The following PRKCH variants were observed in gnomAD, a reference collection of about 807,000 sequenced individuals.
PRKCH encodes the protein protein kinase C eta.
PRKCH carries 28 observed loss-of-function variants against 82.5 expected under a neutral mutation model. The observed-to-expected ratio is 0.34, with a 90% CI of 0.25 to 0.47. PRKCH has a LOEUF of 0.47. Ranked by LOEUF, PRKCH falls within the 20% of genes least tolerant of loss-of-function variation. PRKCH has a pLI of 1.00. For missense variants in PRKCH, 705 were observed against 881.8 expected (o/e 0.80, Z 2.54); for synonymous variants, 322 against 327.4 (o/e 0.98, Z 0.18).
intron 1 of PRKCH, among the ~76,000 whole-genome samples, chr14:61,327,979 G>C (rs111650869): frequency 1.3e-5 from 2 of 151,394 alleles, no homozygotes; most frequent in Non-Finnish European, 2.9e-5. Context: ...GGCCGGGCGC[G>C]GTGGCTCACG....
At chr14:61,404,134 C>T (rs969023033) in intron 2 of PRKCH, among the ~76,000 whole-genome samples, 2 of 152,162 alleles carry the variant, frequency 1.3e-5, no homozygotes, top group African/African-American at 4.8e-5. Flanking sequence ...CTGCTTCTTC[C>T]CTTCTACCGT....
At chr14:61,271,289 C>A (rs1594884030) in intron 1 of PRKCH, among the ~76,000 whole-genome samples, 1 of 152,244 alleles carries the variant, frequency 6.6e-6, no homozygotes, top group East Asian at 1.9e-4. Flanking sequence ...TCTCTCTATT[C>A]TGTTCCATTG....
chr14:61,320,501 G>A (rs1412243942), upstream of PRKCH, among the ~76,000 whole-genome samples: 3 of 152,156 alleles, frequency 2.0e-5, no homozygotes, highest in African/African-American at 4.8e-5. Flanking sequence ...CGGGAGGCTG[G>A]GGCAGGTGAA....
chr14:61,504,156 A>G (rs1258606406), intron 10 of PRKCH, among the ~76,000 whole-genome samples: 1 of 151,402 alleles, frequency 6.6e-6, no homozygotes, highest in Non-Finnish European at 1.5e-5. Context: ...ATCCCCCTTC[A>G]TGACCCATTT....
At chr14:61,471,159 T>G (rs116622433) in intron 9 of PRKCH, among the ~76,000 whole-genome samples, 125 of 152,344 alleles carry the variant, frequency 8.2e-4, no homozygotes, top group African/African-American at 2.9e-3. Flanking sequence ...TAGCAGCAGA[T>G]CTGGTGAGGG....
At chr14:61,421,236 C>G (rs781182071) in intron 2 of PRKCH, among the ~76,000 whole-genome samples, 3 of 151,622 alleles carry the variant, frequency 2.0e-5, no homozygotes, top group Non-Finnish European at 4.4e-5. Context: ...CTTTTGTCAC[C>G]TTTTGTCATC....
At chr14:61,311,555 G>T (rs537244296) in intron 1 of PRKCH, among the ~76,000 whole-genome samples, 1 of 152,134 alleles carries the variant, frequency 6.6e-6, no homozygotes, top group Non-Finnish European at 1.5e-5. Flanking sequence ...CAACGTCTGC[G>T]TGTTACCCAG....
At chr14:61,493,590 A>T (rs894635201) in intron 10 of PRKCH, among the ~76,000 whole-genome samples, 1 of 152,222 alleles carries the variant, frequency 6.6e-6, no homozygotes, top group African/African-American at 2.4e-5. Context: ...TCATTATTTG[A>T]TAGAAAACTT....
intron 12 of PRKCH, among the ~76,000 whole-genome samples, chr14:61,538,352 C>G (rs1200874751): frequency 6.6e-6 from 1 of 152,148 alleles, no homozygotes. Context: ...GAAAAGGAAC[C>G]GTTTGCTCAC....
At position 61,368,656 on chromosome 14, in the gene PRKCH, G is replaced by A. The variant is rs184678611; in HGVS notation, c.364-22569G>A. On this transcript the variant is annotated intron_variant, in intron 1 of 13. Transcript: ENST00000332981. ...GATCACCTCCTCTCTTACAGACTGC[G>A]GAGCTAAAGTGGGCTGCTGGTTGGA... 4.3e-4 allele frequency among the ~76,000 whole-genome samples: 66 copies of A among 152,224 alleles called. No homozygotes were observed. In the Middle Eastern group the frequency reaches 0.014, roughly 31 times the overall value.
chr14:61,260,539 A>T (rs1594879080), intron 1 of PRKCH, among the ~76,000 whole-genome samples: 1 of 152,202 alleles, frequency 6.6e-6, no homozygotes, highest in South Asian at 2.1e-4. Flanking sequence ...ACATATGCAC[A>T]CCTGTGAATT....
chr14:61,262,628 T>C (rs1425939329), intron 1 of PRKCH, among the ~76,000 whole-genome samples: 6 of 152,176 alleles, frequency 3.9e-5, no homozygotes, highest in Admixed American at 3.9e-4. Flanking sequence ...CGTTTGTGAA[T>C]ACAGCGGACA....
At chr14:61,402,607 C>T (rs1034474749) in intron 2 of PRKCH, among the ~76,000 whole-genome samples, 7 of 151,872 alleles carry the variant, frequency 4.6e-5, no homozygotes, top group South Asian at 2.1e-4. Context: ...CCATCCTGGC[C>T]AACATGGTGA....
At chr14:61,487,342 G>A (rs72712342) in intron 10 of PRKCH, among the ~76,000 whole-genome samples, 18,214 of 152,218 alleles carry the variant, frequency 0.12, 1,158 homozygotes, top group South Asian at 0.19. Context: ...CTTAGGTCAC[G>A]GGGCTGCAGC....
chr14:61,550,528 T>C lies in PRKCH; in HGVS notation c.*697T>C, dbSNP rs2043312002. 1 of 152,678 alleles carries C rather than the reference T, an allele frequency of 6.5e-6. No homozygotes were observed. The highest frequency in any genetic ancestry group is 6.5e-5 in the Admixed American group (1 of 15,286). The allele number at this position is 152,678 out of a possible 1,614,324, so 9.5% of individuals were successfully genotyped here. A position where few individuals can be genotyped will look rare whatever the true frequency, so the allele number is the denominator to read the frequency against. On this transcript the variant is annotated 3_prime_UTR_variant, in exon 14 of 14. Transcript: ENST00000332981. ...ATTGTAAACAACAGGTTTGCATTCA[T>C]GAAGCTTTCATTCATTCTGGAGTCT...
chr14:61,332,373 G>A (rs1427703642), intron 1 of PRKCH, among the ~76,000 whole-genome samples: 1 of 152,196 alleles, frequency 6.6e-6, no homozygotes, highest in Admixed American at 6.5e-5. Flanking sequence ...TGCTTCTGTA[G>A]CACCAGTAAA....
chr14:61,511,820 A>G (rs886789134), intron 10 of PRKCH, among the ~76,000 whole-genome samples: 1 of 152,200 alleles, frequency 6.6e-6, no homozygotes, highest in Non-Finnish European at 1.5e-5. Context: ...CACGCAACCC[A>G]GATCAAAAAC....
At chr14:61,310,884 A>G (rs922265840) in intron 1 of PRKCH, among the ~76,000 whole-genome samples, 7 of 152,236 alleles carry the variant, frequency 4.6e-5, no homozygotes, top group African/African-American at 1.4e-4. Context: ...ACTTCTGTGC[A>G]CCTGCAGGCC....
intron 1 of PRKCH, among the ~76,000 whole-genome samples, chr14:61,367,716 C>CTTTT (rs34427789): frequency 1.5e-5 from 2 of 137,372 alleles, no homozygotes; most frequent in Non-Finnish European, 3.1e-5. Context: ...TGGAGAACTC[C>CTTTT]TTTTTTTTTT....
Sources: gnomAD v4.1 joint callset for allele counts (sites outside exome capture counted in the v4.1 genomes callset) on GRCh38, gnomAD v4.1.1 for gene constraint, MANE v1.5 for transcripts, NCBI Gene and HGNC (gene_info 2026-07-23, HGNC 2026-07-21) for gene names.